The following PPARGC1A variants were observed in gnomAD, a reference collection of about 807,000 sequenced individuals.
PPARGC1A encodes peroxisome proliferator-activated receptor gamma coactivator 1-alpha.
A neutral mutation model predicts 88.7 loss-of-function variants in PPARGC1A; 25 were observed. That is an observed-to-expected ratio of 0.28 (90% CI 0.21 to 0.39). The LOEUF is 0.39. Ranked by LOEUF, PPARGC1A falls within the 10% of genes least tolerant of loss-of-function variation. The probability of loss-of-function intolerance (pLI) is 1.00; values close to 1 mark genes in which losing one functional copy is unlikely to be tolerated. For synonymous variants in PPARGC1A, 363 were observed against 355.6 expected (o/e 1.02, Z -0.24); for missense variants, 880 against 968.7 (o/e 0.91, Z 1.22).
the PPARGC1A span, among the ~76,000 whole-genome samples, chr4:24,064,149 C>T: frequency 3.2e-3 from 494 of 152,184 alleles, 5 homozygotes; most frequent in Non-Finnish European, 4.2e-3. Context: ...AGGCCTCTGA[C>T]CAGAAATGAA....
At chr4:24,225,807 G>A in the PPARGC1A span, among the ~76,000 whole-genome samples, 1 of 152,106 alleles carries the variant, frequency 6.6e-6, no homozygotes, top group Non-Finnish European at 1.5e-5. Flanking sequence ...ATAAGTTTGT[G>A]AAATGATTAG....
the PPARGC1A span, among the ~76,000 whole-genome samples, chr4:23,934,999 A>G: frequency 1.3e-5 from 2 of 152,246 alleles, no homozygotes; most frequent in South Asian, 4.1e-4. Flanking sequence ...ACTCCCCTAC[A>G]TGTACTTGGG....
At chr4:24,310,117 A>G in the PPARGC1A span, among the ~76,000 whole-genome samples, 3 of 152,226 alleles carry the variant, frequency 2.0e-5, no homozygotes, top group Admixed American at 6.5e-5. Flanking sequence ...TCCTGTGTTC[A>G]AGATGCCTGT....
At chr4:23,982,318 A>C in the PPARGC1A span, among the ~76,000 whole-genome samples, 2 of 152,198 alleles carry the variant, frequency 1.3e-5, no homozygotes, top group African/African-American at 4.8e-5. Flanking sequence ...AGCCATCCTT[A>C]ATCCACTGGT....
chr4:24,193,212 T>C, the PPARGC1A span, among the ~76,000 whole-genome samples: 10 of 152,206 alleles, frequency 6.6e-5, no homozygotes, highest in African/African-American at 2.4e-4. Context: ...GAGTTGCCTT[T>C]ACCTGAGCTG....
chr4:24,290,436 C>T, the PPARGC1A span, among the ~76,000 whole-genome samples: 4 of 152,112 alleles, frequency 2.6e-5, no homozygotes, highest in Admixed American at 1.3e-4. Flanking sequence ...TTCTGCTTTT[C>T]CTCCTGCCTT....
chr4:24,388,552 A>G, the PPARGC1A span, among the ~76,000 whole-genome samples: 1 of 152,208 alleles, frequency 6.6e-6, no homozygotes, highest in Non-Finnish European at 1.5e-5. Context: ...TCACAATAGC[A>G]AAAACTTGGA....
At chr4:24,347,819 C>T in the PPARGC1A span, among the ~76,000 whole-genome samples, 3 of 151,850 alleles carry the variant, frequency 2.0e-5, no homozygotes, top group African/African-American at 4.8e-5. Context: ...TTCTGTGCTT[C>T]GGTTTTTTTG....
chr4:24,069,987 C>T, the PPARGC1A span, among the ~76,000 whole-genome samples: 12 of 152,284 alleles, frequency 7.9e-5, no homozygotes, highest in Middle Eastern at 6.8e-3. Context: ...TATAGTTCTA[C>T]CACTTTCTAC....
In PPARGC1A at chr4:23,795,895, G is replaced by T; in HGVS notation, c.2324C>A (p.Ser775Tyr). 1 of 1,611,382 alleles carries T rather than the reference G, an allele frequency of 6.2e-7. No homozygotes were observed. Among genetic ancestry groups the T allele is most frequent in the Non-Finnish European group, 8.5e-7 (1 of 1,179,014 alleles). ...CAGAGAGTCATACTTGCTCTTGGTGGAAGCAGGGTCAAAGTCATCTGAGTT... is the reference window on the plus strand; with the variant it reads ...CAGAGAGTCATACTTGCTCTTGGTGTAAGCAGGGTCAAAGTCATCTGAGTT... Reference protein sequence around the residue: ...DSNSDDFDPASTKSKYDSLDF... With the variant: ...DSNSDDFDPAYTKSKYDSLDF... Residue 775 changes from serine to tyrosine, a missense_variant, in exon 13 of 13, where the codon TCC becomes TAC. Physicochemically the swap from Ser to Tyr is moderately radical, Grantham distance 144. Coordinates refer to ENST00000264867, the MANE Select transcript of PPARGC1A (RefSeq NM_013261.5).
the PPARGC1A span, among the ~76,000 whole-genome samples, chr4:23,943,775 T>G: frequency 0.077 from 11,757 of 152,252 alleles, 1,524 homozygotes; most frequent in African/African-American, 0.27. Flanking sequence ...ATAAATCTTG[T>G]TGATAGCATG....
the PPARGC1A span, among the ~76,000 whole-genome samples, chr4:24,115,052 AT>A: frequency 2.0e-5 from 3 of 152,286 alleles, no homozygotes; most frequent in Middle Eastern, 3.4e-3. Flanking sequence ...CCGGTAATGC[AT>A]TTTTGAATCC....
chr4:24,199,042 T>C, the PPARGC1A span, among the ~76,000 whole-genome samples: 11 of 152,302 alleles, frequency 7.2e-5, no homozygotes, highest in Middle Eastern at 0.017. Flanking sequence ...CTCTTCCTTC[T>C]TTCCCTGCTG....
upstream of PPARGC1A, chr4:23,904,029 T>C: frequency 1.0e-6 from 1 of 981,034 alleles, no homozygotes; most frequent in Non-Finnish European, 1.2e-6. Context: ...AACCCCAACA[T>C]GTGTGTCATT....
At chr4:24,288,569 T>A in the PPARGC1A span, among the ~76,000 whole-genome samples, 6 of 152,220 alleles carry the variant, frequency 3.9e-5, no homozygotes, top group Non-Finnish European at 8.8e-5. Context: ...AAAATGACAT[T>A]TTTGTAAAAT....
intron 12 of PPARGC1A, among the ~76,000 whole-genome samples, chr4:23,801,352 A>T (rs1287887745): frequency 1.3e-5 from 2 of 151,064 alleles, no homozygotes; most frequent in Non-Finnish European, 2.9e-5. Flanking sequence ...TATTCACACA[A>T]CACACACAGA....
the PPARGC1A span, among the ~76,000 whole-genome samples, chr4:24,211,763 A>T: frequency 6.6e-6 from 1 of 152,204 alleles, no homozygotes; most frequent in African/African-American, 2.4e-5. Flanking sequence ...CTTCATAGAG[A>T]TGTTGTAACA....
At chr4:24,025,079 G>T in the PPARGC1A span, among the ~76,000 whole-genome samples, 2 of 152,144 alleles carry the variant, frequency 1.3e-5, no homozygotes, top group Non-Finnish European at 2.9e-5. Flanking sequence ...AATATAAAAT[G>T]TTGCTGTTTC....
At chr4:24,278,089 C>A in the PPARGC1A span, among the ~76,000 whole-genome samples, 1 of 151,970 alleles carries the variant, frequency 6.6e-6, no homozygotes, top group African/African-American at 2.4e-5. Context: ...CTCACTTGAG[C>A]CCAGGAGTTC....
Sources: allele counts gnomAD v4.1 joint callset (sites outside exome capture counted in the v4.1 genomes callset), GRCh38; gene constraint gnomAD v4.1.1; transcripts MANE v1.5; gene names NCBI Gene and HGNC (gene_info 2026-07-23, HGNC 2026-07-21).